Variants in MAST2 observed in about 807,000 individuals in gnomAD.
MAST2 encodes the protein microtubule associated serine/threonine kinase 2.
Under a neutral mutation model 147.4 loss-of-function variants are expected in MAST2, and 70 were observed. That is an observed-to-expected ratio of 0.47 (90% CI 0.39 to 0.58). MAST2 has a LOEUF of 0.58. Ranked by LOEUF, MAST2 falls within the 20% of genes least tolerant of loss-of-function variation. The pLI, the probability that MAST2 is intolerant of heterozygous loss-of-function variation, is 0.00. For missense variants in MAST2, 2,080 were observed against 2,302.3 expected (o/e 0.90, Z 1.98); for synonymous variants, 869 against 896.8 (o/e 0.97, Z 0.55).
chr1:46,009,145 C>G (rs1260689942), intron 9 of MAST2, among the ~76,000 whole-genome samples: 1 of 152,148 alleles, frequency 6.6e-6, no homozygotes, highest in Non-Finnish European at 1.5e-5. Context: ...CCCTCTGCCT[C>G]CGGGGTTCAG....
At chr1:45,987,411 T>A (rs900025032) in intron 5 of MAST2, among the ~76,000 whole-genome samples, 2 of 152,068 alleles carry the variant, frequency 1.3e-5, no homozygotes, top group Non-Finnish European at 2.9e-5. Context: ...CCTCCTGGGC[T>A]CAAGCAGTCT....
At chr1:45,967,789 C>G (rs1437240090) in intron 5 of MAST2, among the ~76,000 whole-genome samples, 1 of 152,206 alleles carries the variant, frequency 6.6e-6, no homozygotes, top group Non-Finnish European at 1.5e-5. Context: ...CAAAGGTCCA[C>G]TGTAATCCAA....
intron 3 of MAST2, among the ~76,000 whole-genome samples, chr1:45,838,404 A>G (rs1469668170): frequency 6.7e-6 from 1 of 149,516 alleles, no homozygotes; most frequent in Non-Finnish European, 1.5e-5. Context: ...TGTATTTTTA[A>G]TAGAGACGGG....
At chr1:45,879,204 G>A (rs1284780008) in intron 3 of MAST2, among the ~76,000 whole-genome samples, 1 of 151,960 alleles carries the variant, frequency 6.6e-6, no homozygotes, top group African/African-American at 2.4e-5. Flanking sequence ...ATTGAAATAA[G>A]TGGATATCCA....
intron 10 of MAST2, among the ~76,000 whole-genome samples, chr1:46,011,686 A>G (rs938913682): frequency 1.3e-5 from 2 of 152,212 alleles, no homozygotes; most frequent in Non-Finnish European, 1.5e-5. Context: ...AGAATTTCCC[A>G]GTCCAGAACC....
chr1:45,811,097 TG>T (rs1390495578), intron 1 of MAST2, among the ~76,000 whole-genome samples: 1 of 151,514 alleles, frequency 6.6e-6, no homozygotes. Flanking sequence ...GTGATCCACC[TG>T]GCTCGGCCTC....
intron 5 of MAST2, among the ~76,000 whole-genome samples, chr1:45,983,569 C>T (rs368623278): frequency 6.6e-6 from 1 of 151,518 alleles, no homozygotes; most frequent in East Asian, 1.9e-4. Flanking sequence ...CAGCTCACTG[C>T]AGCCTCTACC....
intron 4 of MAST2, among the ~76,000 whole-genome samples, chr1:45,936,097 A>G (rs994791234): frequency 2.0e-5 from 3 of 152,140 alleles, no homozygotes; most frequent in Non-Finnish European, 4.4e-5. Flanking sequence ...TTCTTGTTGT[A>G]GAGATCTTTC....
At chr1:45,993,972 G>A (rs915606643) in intron 5 of MAST2, among the ~76,000 whole-genome samples, 1 of 152,032 alleles carries the variant, frequency 6.6e-6, no homozygotes, top group East Asian at 1.9e-4. Context: ...AATCAGGTCC[G>A]GCCAAAGAAA....
chr1:46,028,013 A>G, intron 17 of MAST2, 150 bp downstream of exon 17: 1 of 844,474 alleles, frequency 1.2e-6, no homozygotes, highest in South Asian at 1.7e-5. Context: ...CCCCATCTCT[A>G]CATTTGTGTA....
chr1:45,904,308 G>C (rs1650293217), intron 4 of MAST2, among the ~76,000 whole-genome samples: 1 of 151,914 alleles, frequency 6.6e-6, no homozygotes, highest in East Asian at 1.9e-4. Flanking sequence ...TGAGTAGCTG[G>C]GATTACAGGC....
At chr1:45,927,287 T>C (rs143225995) in intron 4 of MAST2, among the ~76,000 whole-genome samples, 450 of 151,422 alleles carry the variant, frequency 3.0e-3, no homozygotes, top group African/African-American at 0.011. Context: ...TAACATCTTA[T>C]CAGGAGATAG....
chr1:45,864,472 G>T (rs1646079297), intron 3 of MAST2, among the ~76,000 whole-genome samples: 1 of 152,202 alleles, frequency 6.6e-6, no homozygotes, highest in African/African-American at 2.4e-5. Flanking sequence ...GCCCCTGACA[G>T]TATCGAAAGA....
At chr1:45,816,877 C>G (rs997821291) in intron 1 of MAST2, among the ~76,000 whole-genome samples, 2 of 152,048 alleles carry the variant, frequency 1.3e-5, no homozygotes, top group Non-Finnish European at 2.9e-5. Context: ...CGGGGTTTCA[C>G]CGTGTCAACC....
rs533416317 is a variant in MAST2 at position 45,904,327 on chromosome 1, C to T, written c.500+21932C>T. ...TAGCTGGGATTACAGGCGCCTGCCA[C>T]CATGCCCGGTTAATTTTTATATTTT... is the stretch of plus-strand genomic sequence containing the variant. On this transcript the variant is annotated intron_variant, in intron 4 of 28. Coordinates refer to ENST00000361297, the MANE Select transcript of MAST2 (RefSeq NM_015112.3). Among the ~76,000 whole-genome samples the T allele has an allele frequency of 1.3e-3, 191 of 152,098 alleles. 2 individuals are homozygous for T. Among genetic ancestry groups the T allele is most frequent in the Non-Finnish European group, 2.3e-3 (156 of 68,016 alleles).
Position 45,846,910 on chromosome 1 carries a change from G to T in MAST2, c.468+17329G>T, listed in dbSNP as rs1459690967. The T allele has an allele frequency of 9.1e-5, 18 of 197,940 alleles. No individual in the cohort carries two copies. The East Asian group carries it at 3.2e-3, about 35-fold the overall frequency. The allele number at this position is 197,940 out of a possible 1,614,324, so 12.3% of individuals were successfully genotyped here. On this transcript the variant is annotated intron_variant, in intron 3 of 28. Transcript: ENST00000361297. ...AAGAGAATGTCAACATCAAATTCTT[G>T]TATCTTGATGATTATGTACCATAAT...
chr1:45,875,020 A>C (rs910290773), intron 3 of MAST2, among the ~76,000 whole-genome samples: 1 of 152,236 alleles, frequency 6.6e-6, no homozygotes, highest in Non-Finnish European at 1.5e-5. Flanking sequence ...CAAAACTCCA[A>C]TAAGACTGGA....
chr1:45,964,228 C>T (rs932756418), intron 5 of MAST2, among the ~76,000 whole-genome samples: 3 of 152,140 alleles, frequency 2.0e-5, no homozygotes, highest in African/African-American at 7.2e-5. Context: ...ATGCCGGCCT[C>T]ATAAAATGAG....
rs371621386 is a variant in MAST2, at chr1:46,034,962, C to T, written c.4293C>T (p.Asp1431=). The part of the protein sequence containing the change: ...KLATSRKHSL[D]LPHSELKKEL... Reference sequence around the variant, plus strand: ...CCACTTCTCGCAAGCACAGCCTTGACCTGCCCCACTCTGAACTAAAGAAGG... The same window carrying T: ...CCACTTCTCGCAAGCACAGCCTTGATCTGCCCCACTCTGAACTAAAGAAGG... Residue 1431 remains aspartate (D), a synonymous_variant, in exon 29 of 29, where the codon GAC becomes GAT. Coordinates refer to ENST00000361297, the MANE Select transcript of MAST2 (RefSeq NM_015112.3). The T allele has an allele frequency of 2.1e-4, 340 of 1,614,126 alleles. No individual in the cohort carries two copies. The African/African-American group carries it at 3.3e-3, about 16-fold the overall frequency.
Sources: allele counts gnomAD v4.1 joint callset (sites outside exome capture counted in the v4.1 genomes callset), GRCh38; gene constraint gnomAD v4.1.1; transcripts MANE v1.5; gene names NCBI Gene and HGNC (gene_info 2026-07-23, HGNC 2026-07-21).